Variants in LINGO2 observed in about 807,000 individuals in gnomAD.
LINGO2 encodes leucine rich repeat and Ig domain containing 2.
A neutral mutation model predicts 30.6 loss-of-function variants in LINGO2; 14 were observed. The observed-to-expected ratio is 0.46, with a 90% CI of 0.30 to 0.72. The LOEUF (loss-of-function observed/expected upper bound fraction) is 0.72, where lower values mean the gene tolerates loss of function less well. LINGO2 is among the 30% of genes least tolerant of loss of function. The pLI is 0.07. For missense variants in LINGO2, 729 were observed against 751.7 expected, an observed-to-expected ratio of 0.97 and a Z score of 0.35; for synonymous variants, 317 against 288.5, an observed-to-expected ratio of 1.10 and a Z score of -1.00.
intron 4 of LINGO2, among the ~76,000 whole-genome samples, chr9:28,091,129 G>C (rs1826071146): frequency 6.6e-6 from 1 of 152,138 alleles, no homozygotes; most frequent in Non-Finnish European, 1.5e-5. Flanking sequence ...CATGAAAATG[G>C]CCATATTGCC....
chr9:28,420,580 A>C (rs1186867112), intron 2 of LINGO2, among the ~76,000 whole-genome samples: 1 of 152,048 alleles, frequency 6.6e-6, no homozygotes, highest in Non-Finnish European at 1.5e-5. Context: ...GATCAAGGGG[A>C]TTAATTTACA....
intron 4 of LINGO2, among the ~76,000 whole-genome samples, chr9:28,013,893 G>C (rs1255628099): frequency 6.6e-6 from 1 of 152,188 alleles, no homozygotes; most frequent in East Asian, 1.9e-4. Flanking sequence ...TCTGGCTAAA[G>C]AATGGGGCTT....
the LINGO2 span, among the ~76,000 whole-genome samples, chr9:28,935,575 T>A: frequency 2.0e-5 from 3 of 152,042 alleles, no homozygotes; most frequent in African/African-American, 4.8e-5. Context: ...TACATAGTGA[T>A]TGGGAGTCAA....
the LINGO2 span, among the ~76,000 whole-genome samples, chr9:28,730,060 T>C: frequency 6.6e-6 from 1 of 152,118 alleles, no homozygotes; most frequent in East Asian, 1.9e-4. Context: ...AACTTGGATT[T>C]CTAACAATTA....
chr9:28,316,792 A>C (rs1446774944), intron 3 of LINGO2, among the ~76,000 whole-genome samples: 1 of 152,172 alleles, frequency 6.6e-6, no homozygotes, highest in Non-Finnish European at 1.5e-5. Context: ...AGTTCCAAGA[A>C]GGCCTTTCAG....
rs765634630 is a variant in LINGO2 at position 28,046,906 on chromosome 9, G to T, written c.-86-34501C>A. Among the ~76,000 whole-genome samples, 207 of 152,078 alleles carry T rather than the reference G, an allele frequency of 1.4e-3. 1 individual carries two copies. Among genetic ancestry groups the T allele is most frequent in the Non-Finnish European group, 2.3e-3 (157 of 68,008 alleles). Reference sequence around the variant, plus strand: ...TTTTGCTGGATTTCACTACTTTAAAGAAATTGTTGTGGAAACGCGTTCTGG... The same window carrying T: ...TTTTGCTGGATTTCACTACTTTAAATAAATTGTTGTGGAAACGCGTTCTGG... On this transcript the variant is annotated intron_variant, in intron 4 of 5. Transcript: ENST00000379992.
chr9:28,199,929 C>T (rs1174339402), intron 4 of LINGO2, among the ~76,000 whole-genome samples: 2 of 140,272 alleles, frequency 1.4e-5, no homozygotes, highest in African/African-American at 5.3e-5. Context: ...GATAACCAAA[C>T]AAAGAACTTC....
intron 3 of LINGO2, among the ~76,000 whole-genome samples, chr9:28,348,878 A>C (rs552023255): frequency 7.9e-5 from 12 of 152,118 alleles, no homozygotes; most frequent in Non-Finnish European, 8.8e-5. Context: ...GGCACCCCCC[A>C]CCAGGGGCAC....
intron 4 of LINGO2, among the ~76,000 whole-genome samples, chr9:28,108,897 C>T (rs945384912): frequency 1.6e-4 from 24 of 152,024 alleles, no homozygotes; most frequent in Non-Finnish European, 3.1e-4. Context: ...GACTCAAAGC[C>T]ATTCCAAAAT....
At chr9:28,368,821 C>T (rs1820787139) in intron 3 of LINGO2, among the ~76,000 whole-genome samples, 1 of 148,230 alleles carries the variant, frequency 6.7e-6, no homozygotes, top group Admixed American at 6.7e-5. Context: ...TGGTCTCGAT[C>T]TCCTGACCTC....
intron 4 of LINGO2, among the ~76,000 whole-genome samples, chr9:28,040,769 T>C (rs1217548434): frequency 1.0e-4 from 4 of 38,280 alleles, no homozygotes; most frequent in African/African-American, 2.7e-4. Flanking sequence ...TAACTGACTT[T>C]TCCCAAAACA....
the LINGO2 span, among the ~76,000 whole-genome samples, chr9:29,120,396 G>A: frequency 1.3e-5 from 2 of 152,156 alleles, no homozygotes; most frequent in African/African-American, 2.4e-5. Context: ...ACGGGTCTAA[G>A]AAAGGTAATG....
intron 4 of LINGO2, among the ~76,000 whole-genome samples, chr9:28,260,230 T>C (rs944813215): frequency 2.6e-5 from 4 of 151,446 alleles, no homozygotes; most frequent in African/African-American, 9.7e-5. Context: ...GGACAAATGA[T>C]GACTTGTAAT....
chr9:29,030,100 T>C, the LINGO2 span, among the ~76,000 whole-genome samples: 1 of 152,144 alleles, frequency 6.6e-6, no homozygotes, highest in African/African-American at 2.4e-5. Context: ...TATAGAATGA[T>C]AGTATAAATT....
the LINGO2 span, among the ~76,000 whole-genome samples, chr9:28,963,625 C>A: frequency 6.6e-6 from 1 of 151,156 alleles, no homozygotes; most frequent in Non-Finnish European, 1.5e-5. Context: ...CTGTCATTTG[C>A]AGCAACATGG....
intron 5 of LINGO2, among the ~76,000 whole-genome samples, chr9:27,978,925 T>C (rs537214766): frequency 3.3e-5 from 5 of 152,058 alleles, no homozygotes; most frequent in Non-Finnish European, 7.4e-5. Flanking sequence ...GCACTTTACA[T>C]ATATTGTCTA....
At chr9:28,760,279 G>T in the LINGO2 span, among the ~76,000 whole-genome samples, 1 of 151,954 alleles carries the variant, frequency 6.6e-6, no homozygotes, top group African/African-American at 2.4e-5. Context: ...TGTATTGTCA[G>T]TCAAGTGGAG....
At chr9:28,217,847 A>C (rs1820822690) in intron 4 of LINGO2, among the ~76,000 whole-genome samples, 3 of 152,036 alleles carry the variant, frequency 2.0e-5, no homozygotes, top group Admixed American at 2.0e-4. Context: ...ATGACCACAA[A>C]AAGTGGGGTA....
chr9:29,055,217 T>TCAACAACAA, the LINGO2 span, among the ~76,000 whole-genome samples: 10,624 of 151,550 alleles, frequency 0.07, 446 homozygotes, highest in South Asian at 0.18. Context: ...AGACTCCATC[T>TCAACAACAA]CAACAACAAC....
Sources: gnomAD v4.1 joint callset for allele counts (sites outside exome capture counted in the v4.1 genomes callset) on GRCh38, gnomAD v4.1.1 for gene constraint, MANE v1.5 for transcripts, NCBI Gene and HGNC (gene_info 2026-07-23, HGNC 2026-07-21) for gene names.